Variants in AFF1 observed in about 807,000 individuals in gnomAD.
AFF1 encodes ALF transcription elongation factor 1.
A neutral mutation model predicts 121.7 loss-of-function variants in AFF1; 48 were observed. That is an observed-to-expected ratio of 0.39 (90% CI 0.31 to 0.50). The LOEUF is 0.50. Among genes scored for constraint, AFF1 ranks in the 20% least tolerant of loss-of-function variants. The pLI is 0.76. For synonymous variants in AFF1, 613 were observed against 563.0 expected (o/e 1.09, Z -1.26); for missense variants, 1,523 against 1,511.7 (o/e 1.01, Z -0.12).
chr4:86,991,863 T>C (rs1724757812), intron 2 of AFF1, among the ~76,000 whole-genome samples: 1 of 151,822 alleles, frequency 6.6e-6, no homozygotes, highest in African/African-American at 2.4e-5. Context: ...TTACATCCTT[T>C]TCCATTATTG....
intron 1 of AFF1, among the ~76,000 whole-genome samples, chr4:86,940,187 G>C (rs1286695333): frequency 6.6e-6 from 1 of 152,120 alleles, no homozygotes; most frequent in Non-Finnish European, 1.5e-5. Context: ...GAAGTCTGAG[G>C]TTTTACCCTA....
At chr4:87,073,096 T>C (rs1298577875) in intron 4 of AFF1, among the ~76,000 whole-genome samples, 1 of 151,820 alleles carries the variant, frequency 6.6e-6, no homozygotes, top group Admixed American at 6.6e-5. Context: ...ATCTGTTTAT[T>C]GATAGGTTAT....
intron 2 of AFF1, among the ~76,000 whole-genome samples, chr4:86,985,191 A>ATATATATG (rs1553912840): frequency 1.9e-5 from 2 of 106,004 alleles, no homozygotes; most frequent in Non-Finnish European, 4.1e-5. Flanking sequence ...CTATATATAT[A>ATATATATG]TATATATATA....
chr4:87,084,550 C>CAATAAATAAATAAATA (rs58068934), intron 5 of AFF1, among the ~76,000 whole-genome samples: 17 of 136,956 alleles, frequency 1.2e-4, no homozygotes, highest in Admixed American at 3.0e-4. Flanking sequence ...ACTATGTCTC[C>CAATAAATAAATAAATA]AATAAATAAA....
chr4:86,939,386 CTAAAAT>C (rs1398024671), intron 1 of AFF1, among the ~76,000 whole-genome samples: 1 of 152,172 alleles, frequency 6.6e-6, no homozygotes, highest in African/African-American at 2.4e-5. Context: ...CAGCTTGACT[CTAAAAT>C]ATAAATAGTG....
chr4:87,026,289 G>T (rs1728530346), intron 2 of AFF1, among the ~76,000 whole-genome samples: 1 of 152,102 alleles, frequency 6.6e-6, no homozygotes. Flanking sequence ...TAGAGATGGG[G>T]TTTTGCCATG....
chr4:87,025,677 A>G (rs1728459071), intron 2 of AFF1, among the ~76,000 whole-genome samples: 1 of 152,152 alleles, frequency 6.6e-6, no homozygotes, highest in African/African-American at 2.4e-5. Flanking sequence ...CCATCATCTC[A>G]GATAGAGGCT....
rs146139972 is a variant in AFF1, at chr4:87,040,155, A to G, written c.39-6011A>G. On this transcript the variant is annotated intron_variant, in intron 2 of 20. Transcript: ENST00000395146. ...GGTGATCCTCCCACCTCGGCCTCCC[A>G]AAGTGCTGGGATTACAGATGTGAGC... is the stretch of plus-strand genomic sequence containing the variant. 5.6e-3 allele frequency among the ~76,000 whole-genome samples: 846 copies of G among 152,256 alleles called. 3 individuals are homozygous for G. The highest frequency in any genetic ancestry group is 0.023 in the East Asian group (117 of 5,158).
rs1000816209 is a variant in AFF1 at position 87,120,901 on chromosome 4, C to G, written c.2467-4136C>G. Among the ~76,000 whole-genome samples the G allele has an allele frequency of 3.9e-5, 6 of 152,166 alleles. 1 individual carries two copies. The highest frequency in any genetic ancestry group is 1.4e-4 in the African/African-American group (6 of 41,446). On this transcript the variant is annotated intron_variant, in intron 12 of 20. Coordinates refer to ENST00000395146, the MANE Select transcript of AFF1 (RefSeq NM_001166693.3). ...GTGTCTGCTTGGTGAGCTGGCTGCA[C>G]GGCAGCGCAGCCTGCCGAGAGGCTT...
At chr4:86,974,141 A>C (rs1723130603) in intron 2 of AFF1, 1 of 152,040 alleles carries the variant, frequency 6.6e-6, no homozygotes, top group Non-Finnish European at 1.5e-5. Flanking sequence ...GGCAGAATTC[A>C]ACTTATTTAT....
At chr4:86,943,343 G>C (rs1720604026) in intron 1 of AFF1, among the ~76,000 whole-genome samples, 1 of 152,160 alleles carries the variant, frequency 6.6e-6, no homozygotes. Flanking sequence ...TCTACTAGGG[G>C]TAGAGTTCTA....
intron 2 of AFF1, among the ~76,000 whole-genome samples, chr4:86,974,944 T>C (rs756762808): frequency 2.0e-5 from 3 of 152,190 alleles, no homozygotes; most frequent in African/African-American, 4.8e-5. Flanking sequence ...CTGTTGCCTC[T>C]TCCATCCCCC....
Position 87,046,789 on chromosome 4 carries a change from A to T in AFF1, c.254A>T (p.His85Leu), listed in dbSNP as rs1730738424. The T allele has an allele frequency of 6.2e-7, 1 of 1,614,098 alleles. No homozygotes were observed. The change falls in exon 4 of 21, where the codon CAT becomes CTT. Residue 85 changes from histidine (H) to leucine (L), a missense_variant. This residue lies in a region of AFF1 where 369 missense variants were observed against 367.2 expected (regional missense o/e 1.00). Coordinates refer to ENST00000395146, the MANE Select transcript of AFF1 (RefSeq NM_001166693.3). ...KEFLSTKSHT[H>L]RLDASENRLG... ...TTCCTTAGTACTAAGTCTCACACTC[A>T]TCGCCTGGATGCTTCTGAAAATAGG...
At chr4:87,060,835 C>CAAAAAAAAAAAAAAAAAAAAAAAAAAAAA (rs749186199) in intron 4 of AFF1, among the ~76,000 whole-genome samples, 2 of 62,300 alleles carry the variant, frequency 3.2e-5, no homozygotes, top group Non-Finnish European at 6.4e-5. Context: ...GACTCTGTCT[C>CAAAAAAAAAAAAAAAAAAAAAAAAAAAAA]AAAAAAAAAA....
At chr4:87,043,141 G>T (rs1730324564) in intron 2 of AFF1, among the ~76,000 whole-genome samples, 1 of 152,168 alleles carries the variant, frequency 6.6e-6, no homozygotes, top group African/African-American at 2.4e-5. Flanking sequence ...ATTTAGAAGG[G>T]GCGGAGCTCT....
At chr4:86,947,815 G>GTTT (rs1434210863) in intron 1 of AFF1, among the ~76,000 whole-genome samples, 19 of 58,244 alleles carry the variant, frequency 3.3e-4, no homozygotes, top group Admixed American at 3.0e-3. Flanking sequence ...TTCGGTTTTT[G>GTTT]TTTGTTTTTT....
At chr4:87,131,509 G>C (rs1728825040) in intron 17 of AFF1, among the ~76,000 whole-genome samples, 1 of 152,188 alleles carries the variant, frequency 6.6e-6, no homozygotes, top group Non-Finnish European at 1.5e-5. Flanking sequence ...TCTCCTCTCA[G>C]TTTAAGCCTT....
intron 12 of AFF1, among the ~76,000 whole-genome samples, chr4:87,124,813 AAAAT>A: frequency 6.6e-6 from 1 of 152,222 alleles, no homozygotes; most frequent in South Asian, 2.1e-4. Flanking sequence ...TTCGTGCAAA[AAAAT>A]CTGTCTCAAT....
chr4:87,116,699 A>G (rs1339011859), intron 12 of AFF1, among the ~76,000 whole-genome samples: 3 of 152,202 alleles, frequency 2.0e-5, no homozygotes, highest in Admixed American at 1.3e-4. Context: ...AAGGATGTGT[A>G]TTGCCGCCAT....
Sources: gnomAD v4.1 joint callset for allele counts (sites outside exome capture counted in the v4.1 genomes callset) on GRCh38, gnomAD v4.1.1 for gene constraint, gnomAD v4.1.1 regional missense constraint, MANE v1.5 for transcripts, NCBI Gene and HGNC (gene_info 2026-07-23, HGNC 2026-07-21) for gene names.